Variants in ZNF341 observed in about 807,000 individuals in gnomAD.
ZNF341 encodes zinc finger protein 341.
Under a neutral mutation model 87.7 loss-of-function variants are expected in ZNF341, and 52 were observed. That is an observed-to-expected ratio of 0.59 (90% CI 0.47 to 0.75). The LOEUF (loss-of-function observed/expected upper bound fraction) is 0.75, where lower values mean the gene tolerates loss of function less well. Among genes scored for constraint, ZNF341 ranks in the 30% least tolerant of loss-of-function variants. The pLI is 0.00. For synonymous variants in ZNF341, 459 were observed against 472.7 expected, an observed-to-expected ratio of 0.97 and a Z score of 0.38; for missense variants, 977 against 1,145.9, an observed-to-expected ratio of 0.85 and a Z score of 2.13.
intron 1 of ZNF341, among the ~76,000 whole-genome samples, chr20:33,735,491 T>A (rs376368296): frequency 2.6e-4 from 40 of 152,234 alleles, no homozygotes; most frequent in African/African-American, 8.7e-4. Context: ...GCCAATTTTT[T>A]AAATTTTCTA....
Position 33,749,901 on chromosome 20 carries a change from C to T in ZNF341, c.489+829C>T, listed in dbSNP as rs978303981. On this transcript the variant is annotated intron_variant, in intron 4 of 14. Transcript: ENST00000375200. ...CTGAGTAGCTGGGATTACAGGTGTGCGCCACCACGCCCAGCTGATTTTTGT... is the reference window on the plus strand; with the variant it reads ...CTGAGTAGCTGGGATTACAGGTGTGTGCCACCACGCCCAGCTGATTTTTGT... Among the ~76,000 whole-genome samples the T allele has an allele frequency of 8.6e-5, 13 of 151,462 alleles. No homozygotes were observed. In the East Asian group the frequency reaches 9.7e-4, roughly 11 times the overall value.
intron 10 of ZNF341, among the ~76,000 whole-genome samples, chr20:33,773,112 G>T (rs2019561262): frequency 6.6e-6 from 1 of 152,170 alleles, no homozygotes; most frequent in Non-Finnish European, 1.5e-5. Context: ...GCCAAGCTTT[G>T]CCTTTAGTGA....
intron 3 of ZNF341, among the ~76,000 whole-genome samples, chr20:33,746,228 CTTTTTT>C (rs34461652): frequency 4.4e-4 from 46 of 104,112 alleles, no homozygotes; most frequent in African/African-American, 2.1e-3. Context: ...CGCGCCCGGC[CTTTTTT>C]TTTTTTTTTT....
chr20:33,734,614 C>G (rs1320943937), intron 1 of ZNF341, among the ~76,000 whole-genome samples: 2 of 152,164 alleles, frequency 1.3e-5, no homozygotes, highest in Non-Finnish European at 2.9e-5. Flanking sequence ...AGAGGGTGCC[C>G]TGGTGCCCTG....
intron 8 of ZNF341, among the ~76,000 whole-genome samples, chr20:33,764,561 A>ATATTTTTTTTTTTT (rs1266929824): frequency 7.0e-5 from 2 of 28,410 alleles, no homozygotes; most frequent in African/African-American, 2.2e-4. Flanking sequence ...ATATATATAT[A>ATATTTTTTTTTTTT]TTTTTTTTTT....
chr20:33,767,166 C>A, intron 9 of ZNF341, 125 bp downstream of exon 9: 1 of 1,138,186 alleles, frequency 8.8e-7, no homozygotes, highest in Non-Finnish European at 1.2e-6. Context: ...CGGCTCTATT[C>A]CCCCCGGGTT....
chr20:33,767,185 A>C (rs1601266968), intron 9 of ZNF341, 144 bp downstream of exon 9: 1 of 1,005,552 alleles, frequency 9.9e-7, no homozygotes, highest in East Asian at 2.5e-5. Flanking sequence ...TTAGATTCCG[A>C]GCAGGGGATT....
At chr20:33,783,649 A>G in intron 11 of ZNF341, 83 bp from the exon 12 acceptor site, 1 of 1,599,128 alleles carries the variant, frequency 6.3e-7, no homozygotes, top group Non-Finnish European at 8.5e-7. Flanking sequence ...TAGGGGCTGG[A>G]AACGAGGAAC....
intron 10 of ZNF341, among the ~76,000 whole-genome samples, chr20:33,777,856 G>A (rs2122720118): frequency 6.6e-6 from 1 of 152,152 alleles, no homozygotes; most frequent in East Asian, 1.9e-4. Context: ...TCCTCCTTCT[G>A]TCTTTGTCTT....
In ZNF341 at chr20:33,788,924, G is replaced by A. The variant is rs769017878; in HGVS notation, c.1914G>A (p.Lys638=). 9.3e-6 allele frequency: 15 copies of A among 1,613,962 alleles called. No individual in the cohort carries two copies. The South Asian group carries it at 1.5e-4, about 17-fold the overall frequency. The change falls in exon 13 of 15, where the codon AAG becomes AAA. Residue 638 remains lysine, a synonymous_variant. Transcript: ENST00000375200. ...ESAFNRKDKL[K]RHMLIHEPFK... ...CGTTCAACCGCAAGGACAAACTGAA[G>A]AGACACATGTTGATCCACGAGCCCT...
chr20:33,783,110 C>T (rs2122729980), intron 11 of ZNF341, among the ~76,000 whole-genome samples: 1 of 152,180 alleles, frequency 6.6e-6, no homozygotes, highest in Admixed American at 6.6e-5. Context: ...GCCAAGATTG[C>T]ACCATTGCAC....
At position 33,769,977 on chromosome 20, in the gene ZNF341, T is replaced by G. The variant is rs2019490938; in HGVS notation, c.1414-107T>G. On this transcript the variant is annotated intron_variant, in intron 9 of 14. Transcript: ENST00000375200. The stretch of plus-strand genomic sequence containing the variant: ...AGCAGCAGGGGGGCAGAGGGAGCAG[T>G]GGTCAGATCATTTACCATCAGTGTC... 4.3e-6 allele frequency: 3 copies of G among 701,952 alleles called. No individual in the cohort carries two copies. In the South Asian group the frequency reaches 5.2e-5, roughly 12 times the overall value. The allele number at this position is 701,952 out of a possible 1,614,324, so 43.5% of individuals were successfully genotyped here. A position where few individuals can be genotyped will look rare whatever the true frequency, so the allele number is the denominator to read the frequency against.
At chr20:33,764,998 A>G (rs1421390304) in intron 8 of ZNF341, among the ~76,000 whole-genome samples, 1 of 151,248 alleles carries the variant, frequency 6.6e-6, no homozygotes, top group African/African-American at 2.4e-5. Context: ...TAATTGTTAA[A>G]AATTGTTTTT....
At position 33,750,321 on chromosome 20, in the gene ZNF341, C is replaced by T. The variant is rs185210783; in HGVS notation, c.489+1249C>T. 1.7e-3 allele frequency among the ~76,000 whole-genome samples: 265 copies of T among 152,264 alleles called. 3 individuals carry two copies. The highest frequency in any genetic ancestry group is 5.9e-3 in the African/African-American group (244 of 41,536). On this transcript the variant is annotated intron_variant, in intron 4 of 14. Coordinates refer to ENST00000375200, the MANE Select transcript of ZNF341 (RefSeq NM_001282933.2). ...CCTAAGGTGGAGGTGTTTTACTTCTCCCCTTGCTGTGTCCCTGGATTCTTC... is the reference window on the plus strand; with the variant it reads ...CCTAAGGTGGAGGTGTTTTACTTCTTCCCTTGCTGTGTCCCTGGATTCTTC...
At position 33,791,722 on chromosome 20, in the gene ZNF341, T is replaced by C. The variant is rs2020041886; in HGVS notation, c.*205T>C. On this transcript the variant is annotated 3_prime_UTR_variant, in exon 15 of 15. Transcript: ENST00000375200. ...CGGAAAGCCCTGCAACATTCTAGGGTTGGGGGCAGGGCCATCCACGGTTTC... is the reference window on the plus strand; with the variant it reads ...CGGAAAGCCCTGCAACATTCTAGGGCTGGGGGCAGGGCCATCCACGGTTTC... 3.4e-6 allele frequency: 2 copies of C among 581,410 alleles called. No individual in the cohort carries two copies. Among genetic ancestry groups the C allele is most frequent in the Non-Finnish European group, 5.8e-6 (2 of 345,552 alleles). 36.0% of individuals were successfully genotyped at this position (581,410 alleles called of 1,614,324 possible). A position where few individuals can be genotyped will look rare whatever the true frequency, so the allele number is the denominator to read the frequency against.
At chr20:33,771,227 A>G (rs1279964593) in intron 10 of ZNF341, among the ~76,000 whole-genome samples, 1 of 152,184 alleles carries the variant, frequency 6.6e-6, no homozygotes, top group Non-Finnish European at 1.5e-5. Context: ...GTTAAAGTTG[A>G]AGCTATATGC....
At position 33,791,058 on chromosome 20, in the gene ZNF341, G is replaced by A. The variant is rs1475457861; in HGVS notation, c.2106G>A (p.Gln702=). The stretch of plus-strand genomic sequence containing the variant: ...GCCGTGCCCACCTCGCCGAGCATCA[G>A]CGCGCCCACACGGGCAACTACAAGT... ...FSRRAHLAEH[Q]RAHTGNYKFR... The change falls in exon 15 of 15, where the codon CAG becomes CAA. Residue 702 remains glutamine (Q), a synonymous_variant. Transcript: ENST00000375200. The A allele has an allele frequency of 6.2e-7, 1 of 1,613,514 alleles. No individual in the cohort carries two copies. The highest frequency in any genetic ancestry group is 1.7e-5 in the Admixed American group (1 of 60,028).
chr20:33,775,181 T>G (rs2019603472), intron 10 of ZNF341, among the ~76,000 whole-genome samples: 1 of 151,882 alleles, frequency 6.6e-6, no homozygotes, highest in Admixed American at 6.6e-5. Flanking sequence ...TTCCTAGAAG[T>G]GATTTTGCAG....
intron 13 of ZNF341, among the ~76,000 whole-genome samples, chr20:33,789,275 G>A (rs761334978): frequency 1.1e-4 from 17 of 152,000 alleles, no homozygotes; most frequent in Admixed American, 5.2e-4. Flanking sequence ...GCTCCTGACC[G>A]CAAGTGATCC....
Sources: gnomAD v4.1 joint callset for allele counts (sites outside exome capture counted in the v4.1 genomes callset) on GRCh38, gnomAD v4.1.1 for gene constraint, MANE v1.5 for transcripts, NCBI Gene and HGNC (gene_info 2026-07-23, HGNC 2026-07-21) for gene names.